The following MRPL34 variants were observed in gnomAD, a reference collection of about 807,000 sequenced individuals.
MRPL34 encodes mitochondrial ribosomal protein L34.
Under a neutral mutation model 6.7 loss-of-function variants are expected in MRPL34, and 8 were observed. The ratio of observed to expected loss-of-function variants is 1.20; its 90% CI spans 0.70 to 2.16. MRPL34 has a LOEUF of 2.16. Among genes scored for constraint, MRPL34 ranks in the 30% most tolerant of loss-of-function variants. MRPL34 has a pLI of 0.00. For missense variants in MRPL34, 146 were observed against 125.5 expected (o/e 1.16, Z -0.78); for synonymous variants, 59 against 55.1 (o/e 1.07, Z -0.31).
upstream of MRPL34, among the ~76,000 whole-genome samples, chr19:17,298,865 C>T (rs943159847): frequency 1.3e-5 from 2 of 151,512 alleles, no homozygotes; most frequent in African/African-American, 4.9e-5. Flanking sequence ...CTCACACCCC[C>T]GAGTAGCTGG....
chr19:17,306,088 C>A (rs1452499596), intron 1 of MRPL34, 78 bp from the exon 2 acceptor site: 2 of 1,503,496 alleles, frequency 1.3e-6, no homozygotes, highest in South Asian at 1.2e-5. Context: ...TCTCCGGGAG[C>A]CGAGGCTCAG....
chr19:17,306,472 G>A lies in MRPL34; in HGVS notation c.*93G>A, dbSNP rs898738297. ...ATTTTTGCAGGGAGCTGGGGAGCAG[G>A]AACGCCTCGGACCTGAGTGCTCTCC... On this transcript the variant is annotated 3_prime_UTR_variant, in exon 2 of 2. Coordinates refer to ENST00000252602, the MANE Select transcript of MRPL34 (RefSeq NM_023937.4). The A allele has an allele frequency of 3.1e-5, 37 of 1,185,156 alleles. No individual in the cohort carries two copies. Among genetic ancestry groups the A allele is most frequent in the Non-Finnish European group, 1.2e-5 (10 of 860,468 alleles). The allele number at this position is 1,185,156 out of a possible 1,614,324, so 73.4% of individuals were successfully genotyped here. A position where few individuals can be genotyped will look rare whatever the true frequency, so the allele number is the denominator to read the frequency against.
intron 1 of MRPL34, chr19:17,294,978 C>CA: frequency 9.0e-7 from 1 of 1,112,122 alleles, no homozygotes; most frequent in South Asian, 1.5e-5. Context: ...GGCTGGAATG[C>CA]AGTGGCTCCA....
intron 1 of MRPL34, among the ~76,000 whole-genome samples, chr19:17,293,205 C>G (rs1420261543): frequency 6.6e-6 from 1 of 150,924 alleles, no homozygotes; most frequent in African/African-American, 2.4e-5. Flanking sequence ...AAGCGATTCT[C>G]TTGCCTCAGC....
upstream of MRPL34, chr19:17,301,011 G>T (rs1363632441): frequency 3.7e-6 from 6 of 1,613,384 alleles, no homozygotes; most frequent in Non-Finnish European, 5.1e-6. Context: ...CCACCTCATA[G>T]CCTAGGCGCA....
At position 17,306,282 on chromosome 19, in the gene MRPL34, A is replaced by G; in HGVS notation, c.182A>G (p.Lys61Arg). 1 of 1,609,546 alleles carries G rather than the reference A, an allele frequency of 6.2e-7. No individual in the cohort carries two copies. The highest frequency in any genetic ancestry group is 8.5e-7 in the Non-Finnish European group (1 of 1,178,718). ...TATCAGCCGAGCAACATCAAACGCA[A>G]GAACAAGCACGGCTGGGTCCGGCGC... ...NEYQPSNIKR[K>R]NKHGWVRRLS... The change falls in exon 2 of 2, where the codon AAG becomes AGG. Residue 61 changes from lysine (K) to arginine (R), a missense_variant. Coordinates refer to ENST00000252602, the MANE Select transcript of MRPL34 (RefSeq NM_023937.4).
At chr19:17,305,433 G>T (rs1355744885), upstream of MRPL34, among the ~76,000 whole-genome samples, 3 of 152,200 alleles carry the variant, frequency 2.0e-5, no homozygotes, top group Admixed American at 2.0e-4. Context: ...CCTGCCAAGA[G>T]GCGGAGACTT....
chr19:17,305,025 C>T (rs1401657119), upstream of MRPL34, among the ~76,000 whole-genome samples: 1 of 140,938 alleles, frequency 7.1e-6, no homozygotes, highest in African/African-American at 2.5e-5. Context: ...TGAGCCACAC[C>T]TCACTCAGCC....
At chr19:17,300,830 C>T (rs2074113943), upstream of MRPL34, 4 of 1,561,716 alleles carry the variant, frequency 2.6e-6, no homozygotes, top group East Asian at 4.5e-5. Flanking sequence ...CCCTCACCCC[C>T]ACCCCACATG....
At chr19:17,292,579 T>G, upstream of MRPL34, 1 of 1,418,668 alleles carries the variant, frequency 7.0e-7, no homozygotes, top group Non-Finnish European at 9.3e-7. Context: ...GCCCAGGTGG[T>G]CTGCGCTGCA....
upstream of MRPL34, chr19:17,305,698 T>G: frequency 1.5e-6 from 1 of 653,672 alleles, no homozygotes; most frequent in Non-Finnish European, 2.7e-6. Context: ...ATGCAGAGCA[T>G]CCCTGTGCCC....
chr19:17,306,420 C>T lies in MRPL34; in HGVS notation c.*41C>T, dbSNP rs773882196. ...CGGCGGGACCCTCATGGAAGCATCGCCCTCGCCTCGGACCTTGCCTGGCGC... is the reference window on the plus strand; with the variant it reads ...CGGCGGGACCCTCATGGAAGCATCGTCCTCGCCTCGGACCTTGCCTGGCGC... On this transcript the variant is annotated 3_prime_UTR_variant, in exon 2 of 2. Transcript: ENST00000252602. The T allele has an allele frequency of 6.6e-7, 1 of 1,514,274 alleles. No homozygotes were observed. Among genetic ancestry groups the T allele is most frequent in the Admixed American group, 2.2e-5 (1 of 46,066 alleles). The allele number at this position is 1,514,274 out of a possible 1,614,324, so 93.8% of individuals were successfully genotyped here. A position where few individuals can be genotyped will look rare whatever the true frequency, so the allele number is the denominator to read the frequency against.
chr19:17,297,833 C>G (rs1248615975), intron 1 of MRPL34: 1 of 151,016 alleles, frequency 6.6e-6, no homozygotes, highest in Non-Finnish European at 1.5e-5. Context: ...TCAGCTATAG[C>G]AGTCCTCCCA....
intron 1 of MRPL34, among the ~76,000 whole-genome samples, chr19:17,295,593 A>C (rs1229980867): frequency 6.6e-6 from 1 of 151,776 alleles, no homozygotes; most frequent in African/African-American, 2.4e-5. Flanking sequence ...TTTTTAGTAG[A>C]CACAGGGTTT....
intron 1 of MRPL34, chr19:17,294,200 C>T: frequency 4.1e-6 from 6 of 1,458,690 alleles, no homozygotes; most frequent in African/African-American, 1.4e-5. Context: ...GCCCACCAAG[C>T]GCTACCACGC....
upstream of MRPL34, among the ~76,000 whole-genome samples, chr19:17,299,454 G>A (rs1225374518): frequency 6.6e-6 from 1 of 151,446 alleles, no homozygotes; most frequent in Non-Finnish European, 1.5e-5. Flanking sequence ...CCAGCTACTA[G>A]GGAGGCTGAG....
chr19:17,301,675 G>C, upstream of MRPL34: 1 of 1,477,252 alleles, frequency 6.8e-7, no homozygotes, highest in South Asian at 1.4e-5. Context: ...TGAGAACCCT[G>C]CACCGTGCAG....
chr19:17,303,248 G>A (rs764084986), upstream of MRPL34: 11 of 152,252 alleles, frequency 7.2e-5, no homozygotes, highest in Non-Finnish European at 1.3e-4. Flanking sequence ...TCACCTCATC[G>A]AGGGCCGCGG....
intron 1 of MRPL34, among the ~76,000 whole-genome samples, chr19:17,294,076 A>C (rs2074082438): frequency 6.6e-6 from 1 of 152,022 alleles, no homozygotes; most frequent in Non-Finnish European, 1.5e-5. Context: ...CCTGCTTTCT[A>C]GATTCTACTT....
Sources: allele counts gnomAD v4.1 joint callset (sites outside exome capture counted in the v4.1 genomes callset), GRCh38; gene constraint gnomAD v4.1.1; transcripts MANE v1.5; gene names NCBI Gene and HGNC (gene_info 2026-07-23, HGNC 2026-07-21).